NCALD: variants seen among roughly 807,000 people sequenced by gnomAD.
NCALD encodes the protein neurocalcin delta.
A neutral mutation model predicts 18.6 loss-of-function variants in NCALD; 10 were observed. The observed-to-expected ratio is 0.54, with a 90% CI of 0.33 to 0.91. NCALD has a LOEUF of 0.91. NCALD is among the 40% of genes least tolerant of loss of function. The pLI is 0.03. For missense variants in NCALD, 184 were observed against 247.6 expected (o/e 0.74, Z 1.72); for synonymous variants, 88 against 87.4 (o/e 1.01, Z -0.04).
At chr8:101,849,980 C>A (rs1045109541) in intron 4 of NCALD, among the ~76,000 whole-genome samples, 15 of 152,220 alleles carry the variant, frequency 9.9e-5, no homozygotes, top group Admixed American at 9.2e-4. Flanking sequence ...ACTCCCCAGA[C>A]TGACTATTCA....
chr8:101,713,140 A>C (rs1003238638), intron 2 of NCALD, among the ~76,000 whole-genome samples: 3 of 152,360 alleles, frequency 2.0e-5, no homozygotes, highest in African/African-American at 7.2e-5. Flanking sequence ...AAACTGCACA[A>C]GTACGTGGAA....
chr8:102,025,958 T>C (rs1276403436), intron 1 of NCALD, among the ~76,000 whole-genome samples: 1 of 152,078 alleles, frequency 6.6e-6, no homozygotes, highest in African/African-American at 2.4e-5. Context: ...AGCAAACACA[T>C]CCTTCTTCAC....
At chr8:102,059,965 G>C (rs775303194) in intron 1 of NCALD, among the ~76,000 whole-genome samples, 6 of 152,024 alleles carry the variant, frequency 3.9e-5, no homozygotes, top group Non-Finnish European at 5.9e-5. Context: ...TTTTTTGTTT[G>C]CTTGTTTTTG....
At chr8:102,031,344 G>A (rs1431720544) in intron 1 of NCALD, among the ~76,000 whole-genome samples, 2 of 152,174 alleles carry the variant, frequency 1.3e-5, no homozygotes, top group Non-Finnish European at 2.9e-5. Context: ...TAAATGAGCA[G>A]AACTAAGCTA....
At chr8:101,719,185 C>A in intron 2 of NCALD, 67 bp downstream of exon 2, 1 of 1,561,814 alleles carries the variant, frequency 6.4e-7, no homozygotes, top group Non-Finnish European at 8.7e-7. Context: ...CCGTGCTATA[C>A]TGTGCACCTT....
chr8:101,776,032 C>T (rs1811777120), intron 1 of NCALD, among the ~76,000 whole-genome samples: 1 of 152,160 alleles, frequency 6.6e-6, no homozygotes, highest in Admixed American at 6.5e-5. Context: ...GTCAGGGTCT[C>T]TGCCTCATCA....
At chr8:102,015,177 C>T (rs1480325210) in intron 2 of NCALD, among the ~76,000 whole-genome samples, 1 of 152,186 alleles carries the variant, frequency 6.6e-6, no homozygotes, top group Non-Finnish European at 1.5e-5. Flanking sequence ...CTCCAGAATG[C>T]CCATTCTACT....
chr8:101,840,371 T>G (rs80171547), intron 4 of NCALD, among the ~76,000 whole-genome samples: 3,189 of 152,304 alleles, frequency 0.021, 87 homozygotes, highest in African/African-American at 0.07. Flanking sequence ...TACAGAACAT[T>G]TAAGCAAGTA....
chr8:102,040,777 C>T (rs1450385936), intron 1 of NCALD, among the ~76,000 whole-genome samples: 2 of 152,178 alleles, frequency 1.3e-5, no homozygotes, highest in Non-Finnish European at 2.9e-5. Flanking sequence ...TAGCCTCCAT[C>T]ACAGTCTTGA....
chr8:101,689,122 C>A lies in NCALD; in HGVS notation c.*187G>T, dbSNP rs1260844386. The A allele has an allele frequency of 2.8e-6, 2 of 706,734 alleles. No homozygotes were observed. Among genetic ancestry groups the A allele is most frequent in the South Asian group, 3.0e-5 (2 of 67,638 alleles). 43.8% of individuals were successfully genotyped at this position (706,734 alleles called of 1,614,324 possible). ...CATGCTCTCCACAAGCACACTGGGG[C>A]TCTGGGCATTCCCACGAAGCATCCA... On this transcript the variant is annotated 3_prime_UTR_variant, in exon 4 of 4. Coordinates refer to ENST00000220931, the MANE Select transcript of NCALD (RefSeq NM_032041.3). This position sits in a 1 kb window ranked among gnomAD's most constrained non-coding sequence, Gnocchi z 4.4.
Position 101,688,472 on chromosome 8 carries a change from A to G in NCALD, c.*837T>C. On this transcript the variant is annotated 3_prime_UTR_variant, in exon 4 of 4. Transcript: ENST00000220931. ...TACTTCACAATAAGCTACTAAAAAC[A>G]GTCTTCTGGAATAAGATTGTATTAG... The G allele has an allele frequency of 3.2e-6, 1 of 313,334 alleles. No homozygotes were observed. The highest frequency in any genetic ancestry group is 2.9e-5 in the South Asian group (1 of 34,794). The allele number at this position is 313,334 out of a possible 1,614,324, so 19.4% of individuals were successfully genotyped here. A position where few individuals can be genotyped will look rare whatever the true frequency, so the allele number is the denominator to read the frequency against.
intron 2 of NCALD, among the ~76,000 whole-genome samples, chr8:101,922,135 T>C (rs186153329): frequency 4.7e-5 from 7 of 148,998 alleles, no homozygotes; most frequent in Non-Finnish European, 5.9e-5. Context: ...AACTCAATTT[T>C]AGACTTTGAG....
In NCALD at chr8:101,735,208, A is replaced by T. The variant is rs551943370; in HGVS notation, c.-19-15560T>A. Among the ~76,000 whole-genome samples, 10 of 152,344 alleles carry T rather than the reference A, an allele frequency of 6.6e-5. No individual in the cohort carries two copies. The East Asian group carries it at 1.9e-3, about 29-fold the overall frequency. On this transcript the variant is annotated intron_variant, in intron 1 of 3. Coordinates refer to ENST00000220931, the MANE Select transcript of NCALD (RefSeq NM_032041.3). The stretch of plus-strand genomic sequence containing the variant: ...ACAAAACCAATTAGTTATGTCTGTG[A>T]TTACCAGCACAGGGAGCCGATCTAT...
intron 1 of NCALD, among the ~76,000 whole-genome samples, chr8:101,787,751 A>G (rs990984293): frequency 6.6e-6 from 1 of 152,196 alleles, no homozygotes; most frequent in Admixed American, 6.5e-5. Flanking sequence ...AATTTCAAAC[A>G]TGCCTCATCC....
At chr8:101,772,298 C>T (rs1811615862) in intron 1 of NCALD, among the ~76,000 whole-genome samples, 1 of 152,182 alleles carries the variant, frequency 6.6e-6, no homozygotes. Context: ...TATGTTTATC[C>T]TGGAACAACC....
intron 2 of NCALD, chr8:101,693,176 G>T (rs1231426887): frequency 2.8e-5 from 9 of 318,868 alleles, no homozygotes; most frequent in Non-Finnish European, 4.2e-5. Context: ...TTTGAGACAG[G>T]GTCTCATTCT....
chr8:101,764,785 G>C (rs1303096599), intron 1 of NCALD, among the ~76,000 whole-genome samples: 1 of 152,162 alleles, frequency 6.6e-6, no homozygotes, highest in East Asian at 1.9e-4. Context: ...TTGCAATGTA[G>C]ACATTAACAT....
At chr8:101,790,773 A>C (rs1288509749) in intron 1 of NCALD, 89 bp downstream of exon 1, 1 of 152,222 alleles carries the variant, frequency 6.6e-6, no homozygotes, top group Non-Finnish European at 1.5e-5. Context: ...ATTGCTCATG[A>C]ATACAAACTT....
chr8:101,718,016 G>A (rs1039130123), intron 2 of NCALD, among the ~76,000 whole-genome samples: 3 of 152,144 alleles, frequency 2.0e-5, no homozygotes, highest in African/African-American at 4.8e-5. Context: ...TTTCCTTTCT[G>A]TGATCATGAA....
Sources: gnomAD v4.1 joint callset for allele counts (sites outside exome capture counted in the v4.1 genomes callset) on GRCh38, gnomAD v4.1.1 for gene constraint, Gnocchi (gnomAD v3.1) non-coding constraint, MANE v1.5 for transcripts, NCBI Gene and HGNC (gene_info 2026-07-23, HGNC 2026-07-21) for gene names.